The following NUP35 variants were observed in gnomAD, a reference collection of about 807,000 sequenced individuals.
NUP35 encodes nucleoporin 35, also known as nucleoporin NUP35.
NUP35 carries 25 observed loss-of-function variants against 41.5 expected under a neutral mutation model. The ratio of observed to expected loss-of-function variants is 0.60; its 90% CI spans 0.44 to 0.84. The LOEUF is 0.84. Among genes scored for constraint, NUP35 ranks in the 40% least tolerant of loss-of-function variants. NUP35 has a pLI of 0.00. For missense variants in NUP35, 396 were observed against 396.6 expected, an observed-to-expected ratio of 1.00 and a Z score of 0.01; for synonymous variants, 149 against 130.7, an observed-to-expected ratio of 1.14 and a Z score of -0.96.
chr2:183,119,438 G>A (rs911166600), intron 1 of NUP35, among the ~76,000 whole-genome samples: 17 of 152,120 alleles, frequency 1.1e-4, no homozygotes, highest in Non-Finnish European at 2.2e-4. Context: ...GAGATAAGAC[G>A]AATCAGAGTT....
chr2:183,161,022 TA>T (rs140119771), intron 8 of NUP35, 31 bp from the exon 9 acceptor site: 103,835 of 1,568,814 alleles, frequency 0.066, 3,941 homozygotes, highest in Middle Eastern at 0.08. Flanking sequence ...AACAATAACC[TA>T]ACCGTTTTTT....
In NUP35 at chr2:183,133,611, ACTC is replaced by A. The variant is rs1460689339; in HGVS notation, c.388_390del (p.Pro130del). 1.3e-6 allele frequency: 2 copies of A among 1,576,184 alleles called. No individual in the cohort carries two copies. Among genetic ancestry groups the A allele is most frequent in the Admixed American group, 1.9e-5 (1 of 53,880 alleles). ...GAGTCCTCTTGTTGGAGTTACATCT[ACTC>A]CTGGAACAGGTAAGTGATTCTTTCT... On this transcript the variant is annotated inframe_deletion, in exon 4 of 9. Coordinates refer to ENST00000295119, the MANE Select transcript of NUP35 (RefSeq NM_138285.5).
rs1685882435 is a variant in NUP35, at chr2:183,161,586, T to G, written c.*455T>G. 1 of 152,516 alleles carries G rather than the reference T, an allele frequency of 6.6e-6. No individual in the cohort carries two copies. Among genetic ancestry groups the G allele is most frequent in the Non-Finnish European group, 1.5e-5 (1 of 68,280 alleles). 9.4% of individuals were successfully genotyped at this position (152,516 alleles called of 1,614,324 possible). A position where few individuals can be genotyped will look rare whatever the true frequency, so the allele number is the denominator to read the frequency against. ...AATATTTTAATTATCCTTGTTTGTA[T>G]ATGTCCTGTCACAGAGTGTCCTCTT... On this transcript the variant is annotated 3_prime_UTR_variant, in exon 9 of 9. Transcript: ENST00000295119.
At chr2:183,128,895 T>G (rs1417620318) in intron 2 of NUP35, among the ~76,000 whole-genome samples, 1 of 152,230 alleles carries the variant, frequency 6.6e-6, no homozygotes, top group East Asian at 1.9e-4. Flanking sequence ...TATTCTATGT[T>G]TTTTTCATTC....
At chr2:183,117,760 CTT>C (rs1559137524) in intron 1 of NUP35, 1 of 151,922 alleles carries the variant, frequency 6.6e-6, no homozygotes, top group African/African-American at 2.4e-5. Context: ...TTGTTGGACA[CTT>C]ATAAATAGGT....
intron 5 of NUP35, among the ~76,000 whole-genome samples, chr2:183,153,780 C>G (rs1685550291): frequency 6.6e-6 from 1 of 152,190 alleles, no homozygotes; most frequent in Non-Finnish European, 1.5e-5. Flanking sequence ...TGGTGGCCCT[C>G]TTCTCACAGC....
rs763229605 is a variant in NUP35, at chr2:183,159,488, A to T, written c.739A>T (p.Ser247Cys). The change falls in exon 8 of 9, where the codon AGT (serine) becomes TGT (cysteine). Residue 247 changes from serine to cysteine, a missense_variant and splice_region_variant. Physicochemically the swap from Ser to Cys is moderately radical, Grantham distance 112 (BLOSUM62 -1). Coordinates refer to ENST00000295119, the MANE Select transcript of NUP35 (RefSeq NM_138285.5). ...AGGAGTTATTTCTTTGTTTCTCCAG[A>T]GTGTTATGGAAAGCAGTGACAGATG... ...MIGVKPCIDK[S>C]VMESSDRCAL... 8.1e-6 allele frequency: 13 copies of T among 1,610,896 alleles called. No homozygotes were observed. Among genetic ancestry groups the T allele is most frequent in the Non-Finnish European group, 9.3e-6 (11 of 1,178,538 alleles).
At chr2:183,140,777 C>G (rs1200751055) in intron 4 of NUP35, among the ~76,000 whole-genome samples, 3 of 148,476 alleles carry the variant, frequency 2.0e-5, no homozygotes, top group Non-Finnish European at 1.5e-5. Context: ...GAGCCGAGAT[C>G]GCACCACTGC....
chr2:183,158,205 T>C, intron 6 of NUP35, 78 bp from the exon 7 acceptor site: 1 of 1,075,840 alleles, frequency 9.3e-7, no homozygotes, highest in South Asian at 2.6e-5. Context: ...TCTTACCATG[T>C]TCCTATTTTC....
intron 4 of NUP35, among the ~76,000 whole-genome samples, chr2:183,140,012 A>C (rs932748136): frequency 6.6e-6 from 1 of 152,242 alleles, no homozygotes; most frequent in Non-Finnish European, 1.5e-5. Flanking sequence ...CAACTTGGCA[A>C]GGCATGATTT....
In NUP35 at chr2:183,149,314, A is replaced by G. The variant is rs73040920; in HGVS notation, c.398-2194A>G. Among the ~76,000 whole-genome samples the G allele has an allele frequency of 8.7e-3, 1,294 of 148,588 alleles. 19 individuals carry two copies. Among genetic ancestry groups the G allele is most frequent in the African/African-American group, 0.029 (1,208 of 41,332 alleles). ...TGCATTCAAAATTAAAACAAAATTTAAAATTTAAGTATTAACTCATTTAAA... is the reference window on the plus strand; with the variant it reads ...TGCATTCAAAATTAAAACAAAATTTGAAATTTAAGTATTAACTCATTTAAA... On this transcript the variant is annotated intron_variant, in intron 4 of 8. Transcript: ENST00000295119.
rs1184721940 is a variant in NUP35, at chr2:183,124,445, A to C, written c.-13A>C. On this transcript the variant is annotated 5_prime_UTR_variant, in exon 1 of 9. Coordinates refer to ENST00000295119, the MANE Select transcript of NUP35 (RefSeq NM_138285.5). ...TTGGGAAGGTACTGGTTTTAAGTGT[A>C]GTTGCCGACGCAATGGCAGCCTTTG... 6.2e-7 allele frequency: 1 copy of C among 1,614,212 alleles called. No individual in the cohort carries two copies. Among genetic ancestry groups the C allele is most frequent in the Admixed American group, 1.7e-5 (1 of 60,030 alleles).
intron 3 of NUP35, chr2:183,131,293 T>G (rs1221629010): frequency 6.4e-6 from 1 of 157,320 alleles, no homozygotes; most frequent in Non-Finnish European, 1.4e-5. Flanking sequence ...GACACAAGTG[T>G]TGTTTCCTAT....
At chr2:183,156,056 G>A (rs1685655093) in intron 5 of NUP35, among the ~76,000 whole-genome samples, 1 of 152,088 alleles carries the variant, frequency 6.6e-6, no homozygotes, top group Non-Finnish European at 1.5e-5. Context: ...TACTGACTTA[G>A]GGTTATGAAA....
Position 183,158,177 on chromosome 2 carries a change from G to A in NUP35, c.610-106G>A, listed in dbSNP as rs527669732. Reference sequence around the variant, plus strand: ...CAGCTTTTTACAAGGCATCAAATACGGAATGGAAGTAAATTTATCTTACCA... The same window carrying A: ...CAGCTTTTTACAAGGCATCAAATACAGAATGGAAGTAAATTTATCTTACCA... On this transcript the variant is annotated intron_variant, in intron 6 of 8. Transcript: ENST00000295119. 14 of 828,442 alleles carry A rather than the reference G, an allele frequency of 1.7e-5. No individual in the cohort carries two copies. The African/African-American group carries it at 1.8e-4, about 10-fold the overall frequency. The allele number at this position is 828,442 out of a possible 1,614,324, so 51.3% of individuals were successfully genotyped here.
In NUP35 at chr2:183,159,603, C is replaced by T. The variant is rs367786552; in HGVS notation, c.854C>T (p.Thr285Ile). 4.0e-5 allele frequency: 65 copies of T among 1,613,228 alleles called. No homozygotes were observed. The highest frequency in any genetic ancestry group is 5.3e-5 in the Non-Finnish European group (63 of 1,179,602). Residue 285 changes from threonine (T) to isoleucine (I), a missense_variant, in exon 8 of 9, where the codon ACC (threonine) becomes ATC (isoleucine). Transcript: ENST00000295119. ...CCTGGAAGTACTCCTAGGATTTCTA[C>T]CATGAGACCTCTTGCTACAGCATAC... The part of the protein sequence containing the change: ...TQPGSTPRIS[T>I]MRPLATAYKA...
upstream of NUP35, among the ~76,000 whole-genome samples, chr2:183,123,435 G>C (rs1700097055): frequency 6.6e-6 from 1 of 152,152 alleles, no homozygotes; most frequent in African/African-American, 2.4e-5. Context: ...AAGTCAATTC[G>C]ATCTGTGAGT....
At chr2:183,120,439 C>G, upstream of NUP35, among the ~76,000 whole-genome samples, 1 of 109,652 alleles carries the variant, frequency 9.1e-6, no homozygotes, top group Non-Finnish European at 1.9e-5. Flanking sequence ...GAGTGAGACT[C>G]CGTCTCAAAA....
rs923776198 is a variant in NUP35 at position 183,133,569 on chromosome 2, A to G, written c.343A>G (p.Asn115Asp). ...ACACTTTCTTCTGTTTGTGTAGCCAAACATTTCAGTAATGCAGAGTCCTCT... is the reference window on the plus strand; with the variant it reads ...ACACTTTCTTCTGTTTGTGTAGCCAGACATTTCAGTAATGCAGAGTCCTCT... Reference protein sequence around the residue: ...STPLTSRRQPNISVMQSPLVG... With the variant: ...STPLTSRRQPDISVMQSPLVG... The change falls in exon 4 of 9, where the codon AAC (asparagine) becomes GAC (aspartate). Residue 115 changes from asparagine to aspartate, a missense_variant. Asn to Asp is a conservative substitution (Grantham distance 23). Coordinates refer to ENST00000295119, the MANE Select transcript of NUP35 (RefSeq NM_138285.5). The G allele has an allele frequency of 7.5e-6, 12 of 1,604,528 alleles. No individual in the cohort carries two copies. Among genetic ancestry groups the G allele is most frequent in the African/African-American group, 1.3e-5 (1 of 74,082 alleles).
Sources: gnomAD v4.1 joint callset for allele counts (sites outside exome capture counted in the v4.1 genomes callset) on GRCh38, gnomAD v4.1.1 for gene constraint, MANE v1.5 for transcripts, NCBI Gene and HGNC (gene_info 2026-07-23, HGNC 2026-07-21) for gene names.